SRGAP3: variants seen among roughly 807,000 people sequenced by gnomAD.
SRGAP3 encodes SLIT-ROBO Rho GTPase activating protein 3, also known as SLIT-ROBO Rho GTPase-activating protein 3.
Under a neutral mutation model 121.1 loss-of-function variants are expected in SRGAP3, and 39 were observed. The ratio of observed to expected loss-of-function variants is 0.32; its 90% CI spans 0.25 to 0.42. The LOEUF is 0.42. Ranked by LOEUF, SRGAP3 falls within the 10% of genes least tolerant of loss-of-function variation. The pLI, the probability that SRGAP3 is intolerant of heterozygous loss-of-function variation, is 1.00. For synonymous variants in SRGAP3, 601 were observed against 570.0 expected, an observed-to-expected ratio of 1.05 and a Z score of -0.77; for missense variants, 1,213 against 1,470.6, an observed-to-expected ratio of 0.82 and a Z score of 2.86.
intron 3 of SRGAP3, among the ~76,000 whole-genome samples, chr3:9,263,163 A>C (rs1219087341): frequency 6.6e-6 from 1 of 152,232 alleles, no homozygotes; most frequent in Non-Finnish European, 1.5e-5. Context: ...AGTTCTTTGA[A>C]ACCAATGAGA....
intron 3 of SRGAP3, among the ~76,000 whole-genome samples, chr3:9,289,317 T>A (rs942718196): frequency 7.9e-5 from 12 of 152,272 alleles, no homozygotes; most frequent in African/African-American, 2.4e-4. Flanking sequence ...TCCATGGATC[T>A]GATTCTGCTA....
At position 9,049,565 on chromosome 3, in the gene SRGAP3, T is replaced by G. The variant is rs527703425; in HGVS notation, c.1324-2090A>C. On this transcript the variant is annotated intron_variant, in intron 9 of 21. Transcript: ENST00000383836. ...TTCTGAGCCTCCCTGTCCTCCCCAGTGTAAACTGAGAGTAGACTCAGTGTT... is the reference window on the plus strand; with the variant it reads ...TTCTGAGCCTCCCTGTCCTCCCCAGGGTAAACTGAGAGTAGACTCAGTGTT... The G allele has an allele frequency of 8.4e-4, 378 of 450,998 alleles. 1 individual carries two copies. The highest frequency in any genetic ancestry group is 2.9e-3 in the South Asian group (184 of 63,528). 27.9% of individuals were successfully genotyped at this position (450,998 alleles called of 1,614,324 possible).
At chr3:9,228,935 G>A (rs530921498) in intron 1 of SRGAP3, among the ~76,000 whole-genome samples, 4 of 151,782 alleles carry the variant, frequency 2.6e-5, no homozygotes, top group East Asian at 1.9e-4. Context: ...GGTGGCGGGC[G>A]CCTGTAGTCC....
chr3:9,113,452 C>A (rs1229253466), intron 2 of SRGAP3, among the ~76,000 whole-genome samples: 3 of 152,170 alleles, frequency 2.0e-5, no homozygotes, highest in East Asian at 3.9e-4. Context: ...AAGATACACA[C>A]CAGTCATGTC....
chr3:9,150,198 A>C (rs921001683), intron 1 of SRGAP3, among the ~76,000 whole-genome samples: 1 of 151,912 alleles, frequency 6.6e-6, no homozygotes, highest in African/African-American at 2.4e-5. Flanking sequence ...TCTCAGCTGA[A>C]ATCTAAAGGC....
intron 3 of SRGAP3, among the ~76,000 whole-genome samples, chr3:9,287,230 G>A (rs185961019): frequency 4.0e-5 from 6 of 151,886 alleles, no homozygotes; most frequent in Non-Finnish European, 7.4e-5. Flanking sequence ...TGGCTCAAGC[G>A]ATCCTCCCAC....
intron 1 of SRGAP3, among the ~76,000 whole-genome samples, chr3:9,152,607 C>T (rs1008160155): frequency 1.3e-5 from 2 of 152,176 alleles, no homozygotes; most frequent in African/African-American, 4.8e-5. Context: ...CTGGCATAGC[C>T]CCTGAGAGAC....
At chr3:9,294,021 A>G (rs1263570159) in intron 3 of SRGAP3, among the ~76,000 whole-genome samples, 3 of 152,372 alleles carry the variant, frequency 2.0e-5, no homozygotes, top group South Asian at 2.1e-4. Context: ...TCTTATAAAT[A>G]CACATGCACA....
chr3:9,123,332 T>A (rs1949085704), intron 2 of SRGAP3, among the ~76,000 whole-genome samples: 1 of 151,916 alleles, frequency 6.6e-6, no homozygotes, highest in South Asian at 2.1e-4. Flanking sequence ...ATGATGAAAA[T>A]GGTAAATTTT....
intron 1 of SRGAP3, among the ~76,000 whole-genome samples, chr3:9,351,272 AATCTACTTC>A (rs761022583): frequency 1.1e-4 from 16 of 152,184 alleles, no homozygotes; most frequent in Non-Finnish European, 1.8e-4. Flanking sequence ...CTTTGTAGGC[AATCTACTTC>A]ATTTGCCATG....
At chr3:9,013,871 C>A in intron 15 of SRGAP3, 29 bp from the exon 16 acceptor site, 3 of 1,603,028 alleles carry the variant, frequency 1.9e-6, no homozygotes, top group Non-Finnish European at 2.6e-6. Context: ...TTTCAGCGTG[C>A]CTTTCATCCT....
intron 1 of SRGAP3, among the ~76,000 whole-genome samples, chr3:9,130,307 G>A (rs1025450420): frequency 3.3e-5 from 5 of 152,002 alleles, no homozygotes; most frequent in African/African-American, 1.2e-4. Context: ...CTCATCCAAG[G>A]TCACACGTCG....
At chr3:9,157,091 C>T (rs990678040) in intron 1 of SRGAP3, among the ~76,000 whole-genome samples, 1 of 152,002 alleles carries the variant, frequency 6.6e-6, no homozygotes, top group African/African-American at 2.4e-5. Flanking sequence ...GTTCTCACAC[C>T]GCTAAAAAGA....
intron 1 of SRGAP3, among the ~76,000 whole-genome samples, chr3:9,197,469 C>T (rs1294836678): frequency 6.6e-6 from 1 of 152,218 alleles, no homozygotes; most frequent in Non-Finnish European, 1.5e-5. Flanking sequence ...GATAATAGTT[C>T]CTGTTTATTT....
At chr3:9,131,498 G>A (rs1949447159) in intron 1 of SRGAP3, among the ~76,000 whole-genome samples, 1 of 147,784 alleles carries the variant, frequency 6.8e-6, no homozygotes, top group Non-Finnish European at 1.5e-5. Context: ...GAGTGCAGTG[G>A]TGCGATCTCA....
At chr3:9,023,382 T>C (rs1234132814) in intron 14 of SRGAP3, among the ~76,000 whole-genome samples, 3 of 152,218 alleles carry the variant, frequency 2.0e-5, no homozygotes, top group Non-Finnish European at 2.9e-5. Context: ...ACTTGCATCA[T>C]GGACGCAGAT....
intron 3 of SRGAP3, among the ~76,000 whole-genome samples, chr3:9,304,879 C>A (rs1955131006): frequency 1.3e-5 from 2 of 152,274 alleles, no homozygotes; most frequent in East Asian, 3.9e-4. Flanking sequence ...TGACAGATAC[C>A]ATTCTCCACC....
intron 12 of SRGAP3, 144 bp downstream of exon 12, chr3:9,032,506 T>G (rs1412247962): frequency 2.6e-6 from 2 of 775,726 alleles, no homozygotes; most frequent in Admixed American, 2.0e-5. Context: ...AAGTCCTTGC[T>G]GAAGCTAAGA....
At chr3:9,361,419 A>G (rs1018105400) in intron 1 of SRGAP3, among the ~76,000 whole-genome samples, 1 of 152,146 alleles carries the variant, frequency 6.6e-6, no homozygotes, top group Non-Finnish European at 1.5e-5. Flanking sequence ...GCACATTTAT[A>G]AATTGTGTTC....
Sources: gnomAD v4.1 joint callset for allele counts (sites outside exome capture counted in the v4.1 genomes callset) on GRCh38, gnomAD v4.1.1 for gene constraint, MANE v1.5 for transcripts, NCBI Gene and HGNC (gene_info 2026-07-23, HGNC 2026-07-21) for gene names.